Variants in EIF4G3 observed in about 807,000 individuals in gnomAD.
The protein encoded by EIF4G3 is eukaryotic translation initiation factor 4 gamma 3.
EIF4G3 carries 34 observed loss-of-function variants against 186.4 expected under a neutral mutation model. That is an observed-to-expected ratio of 0.18 (90% CI 0.14 to 0.24). EIF4G3 has a LOEUF of 0.24. Among genes scored for constraint, EIF4G3 ranks in the 10% least tolerant of loss-of-function variants. The pLI, the probability that EIF4G3 is intolerant of heterozygous loss-of-function variation, is 1.00. For synonymous variants in EIF4G3, 673 were observed against 679.5 expected (o/e 0.99, Z 0.15); for missense variants, 1,536 against 1,948.5 (o/e 0.79, Z 3.99).
chr1:21,104,543 T>G (rs939556640), intron 2 of EIF4G3, among the ~76,000 whole-genome samples: 1 of 152,230 alleles, frequency 6.6e-6, no homozygotes, highest in Non-Finnish European at 1.5e-5. Context: ...CCAGTCACGA[T>G]GGCCATTATT....
At chr1:21,055,867 T>C (rs555957591) in intron 3 of EIF4G3, among the ~76,000 whole-genome samples, 1 of 152,266 alleles carries the variant, frequency 6.6e-6, no homozygotes, top group East Asian at 1.9e-4. Context: ...TGCAGAGTTG[T>C]AAAGACTGTA....
intron 7 of EIF4G3, among the ~76,000 whole-genome samples, chr1:20,986,241 C>T (rs550405103): frequency 1.3e-5 from 2 of 152,280 alleles, no homozygotes; most frequent in East Asian, 3.9e-4. Context: ...AGGCAATATA[C>T]CTCTCTTATT....
chr1:21,063,396 T>C (rs560353121), intron 3 of EIF4G3, among the ~76,000 whole-genome samples: 127 of 152,162 alleles, frequency 8.3e-4, no homozygotes, highest in African/African-American at 2.9e-3. Context: ...TTAAAAAAAA[T>C]AGAAAATTTA....
chr1:21,167,457 T>C (rs905449461), intron 2 of EIF4G3, among the ~76,000 whole-genome samples: 3 of 152,040 alleles, frequency 2.0e-5, no homozygotes, highest in Non-Finnish European at 4.4e-5. Flanking sequence ...TCACCTGAGA[T>C]GAAGAGTTCG....
chr1:21,121,526 G>C (rs1192467765), intron 2 of EIF4G3, among the ~76,000 whole-genome samples: 1 of 152,092 alleles, frequency 6.6e-6, no homozygotes, highest in South Asian at 2.1e-4. Context: ...TATAATCCCA[G>C]CACTTTGGGA....
chr1:20,845,012 T>C (rs1464532150), intron 29 of EIF4G3, among the ~76,000 whole-genome samples: 1 of 152,226 alleles, frequency 6.6e-6, no homozygotes, highest in Non-Finnish European at 1.5e-5. Context: ...TTCGTTGCAC[T>C]GTTTTTGGCA....
At chr1:20,889,709 C>G (rs972995870) in intron 18 of EIF4G3, among the ~76,000 whole-genome samples, 20 of 152,086 alleles carry the variant, frequency 1.3e-4, no homozygotes, top group African/African-American at 4.6e-4. Flanking sequence ...CCAGGATGGT[C>G]TTGATCTCCT....
At chr1:20,906,468 T>G (rs2092122597) in intron 14 of EIF4G3, among the ~76,000 whole-genome samples, 1 of 152,192 alleles carries the variant, frequency 6.6e-6, no homozygotes, top group Non-Finnish European at 1.5e-5. Flanking sequence ...TAAATCTCAT[T>G]CATGGAAAAG....
chr1:20,825,249 C>CAAAAAA, intron 32 of EIF4G3, 51 bp from the exon 33 acceptor site: 4 of 213,756 alleles, frequency 1.9e-5, no homozygotes, highest in South Asian at 2.4e-4. Context: ...GAAGAAGAAA[C>CAAAAAA]AGAAAAAAAA....
At chr1:20,982,096 C>T (rs756042046) in intron 8 of EIF4G3, among the ~76,000 whole-genome samples, 13 of 152,156 alleles carry the variant, frequency 8.5e-5, no homozygotes, top group Non-Finnish European at 1.8e-4. Flanking sequence ...TTTTTTTCCT[C>T]TCCAAAAGGT....
chr1:20,887,808 TTAATA>T (rs1229441990), intron 18 of EIF4G3, among the ~76,000 whole-genome samples: 4 of 152,138 alleles, frequency 2.6e-5, no homozygotes, highest in African/African-American at 9.7e-5. Flanking sequence ...AACTGAAACT[TTAATA>T]TAGTAGCCCA....
At chr1:20,892,382 C>T (rs1041774280) in intron 18 of EIF4G3, among the ~76,000 whole-genome samples, 6 of 152,168 alleles carry the variant, frequency 3.9e-5, no homozygotes, top group African/African-American at 9.7e-5. Flanking sequence ...CAGAGCCTGC[C>T]GAATCCTGCA....
intron 2 of EIF4G3, among the ~76,000 whole-genome samples, chr1:21,097,422 G>A (rs186658160): frequency 1.6e-4 from 25 of 152,252 alleles, no homozygotes. Context: ...CAGATAGGAA[G>A]AAAGGAGTAA....
intron 2 of EIF4G3, among the ~76,000 whole-genome samples, chr1:21,130,103 A>G (rs901205682): frequency 3.3e-5 from 5 of 151,998 alleles, no homozygotes; most frequent in African/African-American, 1.2e-4. Flanking sequence ...TAAAAACCCA[A>G]GCTAGAGCCA....
intron 2 of EIF4G3, among the ~76,000 whole-genome samples, chr1:21,172,118 C>CAAAAAAA (rs35477282): frequency 3.8e-5 from 4 of 105,558 alleles, no homozygotes; most frequent in African/African-American, 3.5e-5. Flanking sequence ...CCTCCTCTAG[C>CAAAAAAA]AAAAAAAAAA....
At chr1:21,043,612 C>T (rs1039091314) in intron 4 of EIF4G3, among the ~76,000 whole-genome samples, 1 of 152,160 alleles carries the variant, frequency 6.6e-6, no homozygotes, top group African/African-American at 2.4e-5. Context: ...AACACCTAGG[C>T]CAGGCACGGT....
At chr1:20,841,786 C>G (rs1293917421) in intron 29 of EIF4G3, among the ~76,000 whole-genome samples, 1 of 150,900 alleles carries the variant, frequency 6.6e-6, no homozygotes, top group East Asian at 2.0e-4. Flanking sequence ...CTGTTCTCAG[C>G]TACTGGAAAT....
Position 21,176,896 on chromosome 1 carries a change from C to G in EIF4G3, c.-630G>C. ...CGCCTCCAGCAGTCCGGCAGGACGGCTGCTCGGAAAACTTCGGACTTTTTC... is the reference window on the plus strand; with the variant it reads ...CGCCTCCAGCAGTCCGGCAGGACGGGTGCTCGGAAAACTTCGGACTTTTTC... On this transcript the variant is annotated 5_prime_UTR_variant, in exon 1 of 37. Coordinates refer to ENST00000602326, the MANE Select transcript of EIF4G3 (RefSeq NM_001391906.1). 2.9e-6 allele frequency: 2 copies of G among 689,952 alleles called. No homozygotes were observed. Among genetic ancestry groups the G allele is most frequent in the Non-Finnish European group, 2.6e-6 (1 of 378,084 alleles). 42.7% of individuals were successfully genotyped at this position (689,952 alleles called of 1,614,324 possible). A position where few individuals can be genotyped will look rare whatever the true frequency, so the allele number is the denominator to read the frequency against.
intron 12 of EIF4G3, among the ~76,000 whole-genome samples, chr1:20,952,060 G>C (rs2096244966): frequency 6.6e-6 from 1 of 151,700 alleles, no homozygotes; most frequent in African/African-American, 2.4e-5. Context: ...ATGAAATGTA[G>C]AACTAAAGAT....
Sources: allele counts gnomAD v4.1 joint callset (sites outside exome capture counted in the v4.1 genomes callset), GRCh38; gene constraint gnomAD v4.1.1; transcripts MANE v1.5; gene names NCBI Gene and HGNC (gene_info 2026-07-23, HGNC 2026-07-21).